RPTOR: variants seen among roughly 807,000 people sequenced by gnomAD.
RPTOR encodes the protein regulatory associated protein of MTOR complex 1.
A neutral mutation model predicts 169.9 loss-of-function variants in RPTOR; 21 were observed. That is an observed-to-expected ratio of 0.12 (90% CI 0.09 to 0.18). The LOEUF (loss-of-function observed/expected upper bound fraction) is 0.18. Among genes scored for constraint, RPTOR ranks in the 10% least tolerant of loss-of-function variants. The pLI is 1.00. For synonymous variants in RPTOR, 732 were observed against 753.2 expected (o/e 0.97, Z 0.46); for missense variants, 1,133 against 1,855.9 (o/e 0.61, Z 7.16).
chr17:80,713,026 T>A (rs2066208611), intron 4 of RPTOR, among the ~76,000 whole-genome samples: 1 of 152,216 alleles, frequency 6.6e-6, no homozygotes, highest in African/African-American at 2.4e-5. Context: ...TTCTTGTTGC[T>A]GAGTTTTAAG....
chr17:80,921,487 G>A (rs2068744361), intron 21 of RPTOR, among the ~76,000 whole-genome samples: 1 of 152,236 alleles, frequency 6.6e-6, no homozygotes, highest in African/African-American at 2.4e-5. Flanking sequence ...AGGTCATGTC[G>A]GTGGCCGGGC....
In RPTOR at chr17:80,803,726, C is replaced by T. The variant is rs150238934; in HGVS notation, c.890+12217C>T. Reference sequence around the variant, plus strand: ...GAGGCTCTGGAGCCAAGTCCTTGCTCGTTAACTTACATCCTGATCAGGGGA... The same window carrying T: ...GAGGCTCTGGAGCCAAGTCCTTGCTTGTTAACTTACATCCTGATCAGGGGA... On this transcript the variant is annotated intron_variant, in intron 7 of 33. Coordinates refer to ENST00000306801, the MANE Select transcript of RPTOR (RefSeq NM_020761.3). The surrounding 1 kb of genome is among the most constrained non-coding windows in gnomAD (Gnocchi z 6.2). 1 of 152,382 alleles carries T rather than the reference C, an allele frequency of 6.6e-6. No homozygotes were observed. The highest frequency in any genetic ancestry group is 1.5e-5 in the Non-Finnish European group (1 of 68,066). 9.4% of individuals were successfully genotyped at this position (152,382 alleles called of 1,614,324 possible).
rs2065253218 is a variant in RPTOR, at chr17:80,609,324, T to C, written c.163-16367T>C. 6.6e-6 allele frequency among the ~76,000 whole-genome samples: 1 copy of C among 152,208 alleles called. No individual in the cohort carries two copies. The highest frequency in any genetic ancestry group is 1.5e-5 in the Non-Finnish European group (1 of 68,044). Reference sequence around the variant, plus strand: ...GCAGTAAACGTTCTAGCTGTTAATATTCTTCCTTCTGGCAGATGGTGGGTT... The same window carrying C: ...GCAGTAAACGTTCTAGCTGTTAATACTCTTCCTTCTGGCAGATGGTGGGTT... On this transcript the variant is annotated intron_variant, in intron 1 of 33. Coordinates refer to ENST00000306801, the MANE Select transcript of RPTOR (RefSeq NM_020761.3). This position sits in a 1 kb window ranked among gnomAD's most constrained non-coding sequence, Gnocchi z 4.8.
chr17:80,922,497 C>G (rs1271828045), intron 21 of RPTOR, among the ~76,000 whole-genome samples: 1 of 152,220 alleles, frequency 6.6e-6, no homozygotes, highest in African/African-American at 2.4e-5. Context: ...ACGGCCACGC[C>G]AGGGCTAGCC....
intron 1 of RPTOR, among the ~76,000 whole-genome samples, chr17:80,596,578 A>C (rs1206824214): frequency 6.6e-6 from 1 of 151,986 alleles, no homozygotes; most frequent in East Asian, 1.9e-4. Flanking sequence ...TATTTTACTT[A>C]TTTATTAGGT....
chr17:80,822,888 C>T (rs1033371225), intron 8 of RPTOR, among the ~76,000 whole-genome samples, 191 bp from the exon 9 acceptor site: 4 of 151,660 alleles, frequency 2.6e-5, no homozygotes, highest in African/African-American at 4.8e-5. Flanking sequence ...CATGTGTGTA[C>T]ATTTGTGCAC....
rs751804213 is a variant in RPTOR, at chr17:80,883,983, C to T, written c.1842+11C>T. On this transcript the variant is annotated intron_variant, in intron 16 of 33. Coordinates refer to ENST00000306801, the MANE Select transcript of RPTOR (RefSeq NM_020761.3). ...GACCCCATTCCCGAGGTGAGTCAGG[C>T]GGGGGCTCAGAGTCCAGTCCTCCTG... 6 of 1,602,700 alleles carry T rather than the reference C, an allele frequency of 3.7e-6. No homozygotes were observed. Among genetic ancestry groups the T allele is most frequent in the East Asian group, 4.5e-5 (2 of 44,652 alleles).
In RPTOR at chr17:80,853,792, T is replaced by C. The variant is rs368630078; in HGVS notation, c.1315-1672T>C. Among the ~76,000 whole-genome samples, 55 of 152,238 alleles carry C rather than the reference T, an allele frequency of 3.6e-4. 1 individual carries two copies. Among genetic ancestry groups the C allele is most frequent in the African/African-American group, 1.2e-3 (50 of 41,558 alleles). ...AGGAGATCAAGACCATCCTGCCTAA[T>C]GCAGTGAAACCCCGTCTCTACTAAA... On this transcript the variant is annotated intron_variant, in intron 11 of 33. Coordinates refer to ENST00000306801, the MANE Select transcript of RPTOR (RefSeq NM_020761.3).
At chr17:80,891,021 A>G (rs1176996555) in intron 17 of RPTOR, among the ~76,000 whole-genome samples, 3 of 151,598 alleles carry the variant, frequency 2.0e-5, no homozygotes, top group African/African-American at 7.3e-5. Flanking sequence ...TGTCGTAGGG[A>G]AAAAAACGTT....
intron 5 of RPTOR, among the ~76,000 whole-genome samples, chr17:80,750,437 G>A (rs1027948018): frequency 3.9e-5 from 6 of 152,172 alleles, no homozygotes; most frequent in African/African-American, 7.2e-5. Flanking sequence ...TTCACTCCAC[G>A]GAGGTCTGCC....
chr17:80,722,832 C>T (rs932974371), intron 4 of RPTOR, among the ~76,000 whole-genome samples: 4 of 151,246 alleles, frequency 2.6e-5, no homozygotes, highest in Non-Finnish European at 5.9e-5. Flanking sequence ...ACACAGCCTC[C>T]TTGGTGCCAG....
chr17:80,567,407 A>G (rs1271791366), intron 1 of RPTOR, among the ~76,000 whole-genome samples: 2 of 152,130 alleles, frequency 1.3e-5, no homozygotes, highest in African/African-American at 4.8e-5. Context: ...CTTATAGAAG[A>G]AGGGTGTACT....
At position 80,623,600 on chromosome 17, in the gene RPTOR, G is replaced by A. The variant is rs552359082; in HGVS notation, c.163-2091G>A. Among the ~76,000 whole-genome samples the A allele has an allele frequency of 5.9e-5, 9 of 151,782 alleles. No homozygotes were observed. The South Asian group carries it at 1.7e-3, about 28-fold the overall frequency. On this transcript the variant is annotated intron_variant, in intron 1 of 33. Transcript: ENST00000306801. ...GCCCAGGTTGGAGTGCAGTGGTACC[G>A]TCTCGGCTCACTGCAAACTCTGCCT...
chr17:80,777,028 C>T (rs867634381), intron 6 of RPTOR, among the ~76,000 whole-genome samples: 6 of 152,194 alleles, frequency 3.9e-5, no homozygotes, highest in East Asian at 1.9e-4. Flanking sequence ...TACCTGAGGT[C>T]GGGAGTTCAA....
At chr17:80,641,083 C>T (rs971154550) in intron 2 of RPTOR, among the ~76,000 whole-genome samples, 5 of 152,124 alleles carry the variant, frequency 3.3e-5, no homozygotes, top group African/African-American at 1.2e-4. Flanking sequence ...CTTCGTGGCC[C>T]CTATTTTTTG....
intron 1 of RPTOR, among the ~76,000 whole-genome samples, chr17:80,597,392 T>A (rs1250942854): frequency 6.6e-6 from 1 of 152,166 alleles, no homozygotes; most frequent in Non-Finnish European, 1.5e-5. Context: ...TGACTCAAAT[T>A]ACTCATCCCT....
rs967957945 is a variant in RPTOR, at chr17:80,726,179, T to C, written c.508-4381T>C. On this transcript the variant is annotated intron_variant, in intron 4 of 33. Coordinates refer to ENST00000306801, the MANE Select transcript of RPTOR (RefSeq NM_020761.3). The surrounding 1 kb of genome is among the most constrained non-coding windows in gnomAD (Gnocchi z 4.5). ...AGGCGGGGCTGGGAAAGCTGTTCTG[T>C]GGCGCAGCATCCCAGTGGCTGTTAC... Among the ~76,000 whole-genome samples the C allele has an allele frequency of 6.6e-6, 1 of 152,210 alleles. No homozygotes were observed. The highest frequency in any genetic ancestry group is 2.4e-5 in the African/African-American group (1 of 41,542).
chr17:80,951,861 A>G (rs1323386837), intron 28 of RPTOR, among the ~76,000 whole-genome samples: 2 of 152,152 alleles, frequency 1.3e-5, no homozygotes, highest in Non-Finnish European at 1.5e-5. Flanking sequence ...ACGTCGGCCT[A>G]TGTGCTGGAG....
chr17:80,899,036 A>T (rs1388301632), intron 20 of RPTOR, among the ~76,000 whole-genome samples: 4 of 152,106 alleles, frequency 2.6e-5, no homozygotes, highest in African/African-American at 9.7e-5. Flanking sequence ...CCTCCAGGGT[A>T]TGGAGAACTG....
Sources: gnomAD v4.1 joint callset for allele counts (sites outside exome capture counted in the v4.1 genomes callset) on GRCh38, gnomAD v4.1.1 for gene constraint, Gnocchi (gnomAD v3.1) non-coding constraint, MANE v1.5 for transcripts, NCBI Gene and HGNC (gene_info 2026-07-23, HGNC 2026-07-21) for gene names.